Variants in CHODL observed in about 807,000 individuals in gnomAD.
CHODL encodes the protein transmembrane protein MT75.
Under a neutral mutation model 34.5 loss-of-function variants are expected in CHODL, and 29 were observed. The ratio of observed to expected loss-of-function variants is 0.84; its 90% CI spans 0.63 to 1.15. CHODL has a LOEUF of 1.15. Ranked by LOEUF, CHODL falls within the 50% of genes most tolerant of loss-of-function variation. The probability of loss-of-function intolerance (pLI) is 0.00; values close to 1 mark genes in which losing one functional copy is unlikely to be tolerated. For missense variants in CHODL, 332 were observed against 332.5 expected (o/e 1.00, Z 0.01); for synonymous variants, 125 against 116.1 (o/e 1.08, Z -0.49).
In CHODL at chr21:18,066,183, T is replaced by C. The variant is rs1376171200; in HGVS notation, c.-45+38212T>C. On this transcript the variant is annotated intron_variant, in intron 2 of 6. Transcript: ENST00000400127. Reference sequence around the variant, plus strand: ...ATATAAGGCTATATATTTTACTATATGTTATTGAAAGCTAGGAAATTATGT... The same window carrying C: ...ATATAAGGCTATATATTTTACTATACGTTATTGAAAGCTAGGAAATTATGT... Among the ~76,000 whole-genome samples the C allele has an allele frequency of 3.3e-5, 5 of 152,182 alleles. No homozygotes were observed. In the East Asian group the frequency reaches 7.7e-4, roughly 23 times the overall value.
chr21:17,951,202 A>G (rs1223657510), intron 1 of CHODL, among the ~76,000 whole-genome samples: 1 of 151,876 alleles, frequency 6.6e-6, no homozygotes, highest in Non-Finnish European at 1.5e-5. Context: ...GAATTTAAGC[A>G]CCAAAAGTCT....
intron 1 of CHODL, among the ~76,000 whole-genome samples, chr21:18,017,250 G>T (rs1435861158): frequency 2.6e-5 from 4 of 152,224 alleles, no homozygotes; most frequent in African/African-American, 9.6e-5. Flanking sequence ...CAAATCTCAT[G>T]TTGAATTATG....
rs145436195 is a variant in CHODL, at chr21:17,917,696, C to A, written c.-145+296C>A. ...AGTGCCTTCTATTGGCCAAACCCAA[C>A]AGAAGCCAGAGAAGAAAGGTGACCA... On this transcript the variant is annotated intron_variant, in intron 1 of 6. Transcript: ENST00000400127. Among the ~76,000 whole-genome samples the A allele has an allele frequency of 8.0e-3, 1,213 of 152,268 alleles. 19 individuals carry two copies. The highest frequency in any genetic ancestry group is 0.027 in the African/African-American group (1,118 of 41,538).
At chr21:18,247,236 T>G (rs1217176008) in intron 1 of CHODL, among the ~76,000 whole-genome samples, 1 of 152,108 alleles carries the variant, frequency 6.6e-6, no homozygotes, top group Non-Finnish European at 1.5e-5. Context: ...TGCATCAATT[T>G]TTCGTGCCAC....
intron 2 of CHODL, among the ~76,000 whole-genome samples, chr21:18,105,452 G>T (rs1342653691): frequency 1.3e-5 from 2 of 152,026 alleles, no homozygotes; most frequent in Non-Finnish European, 2.9e-5. Context: ...TCATATCTTT[G>T]TCTGCTTAAG....
intron 2 of CHODL, among the ~76,000 whole-genome samples, chr21:18,135,458 C>A (rs12626756): frequency 0.095 from 14,490 of 152,024 alleles, 890 homozygotes; most frequent in East Asian, 0.25. Flanking sequence ...GTAGCCTCAG[C>A]GTTCCATCCA....
chr21:18,015,686 G>A (rs1312555488), intron 1 of CHODL, among the ~76,000 whole-genome samples: 1 of 152,180 alleles, frequency 6.6e-6, no homozygotes, highest in Non-Finnish European at 1.5e-5. Flanking sequence ...AATGATGATA[G>A]TGATATGGAC....
Position 18,232,544 on chromosome 21 carries a change from A to G in CHODL, c.-44-23965A>G, listed in dbSNP as rs544055348. Among the ~76,000 whole-genome samples, 3 of 149,306 alleles carry G rather than the reference A, an allele frequency of 2.0e-5. No individual in the cohort carries two copies. In the South Asian group the frequency reaches 6.3e-4, roughly 31 times the overall value. On this transcript the variant is annotated intron_variant, in intron 2 of 6. Transcript: ENST00000400127. ...GAGAGGGGAGCTCCCTGACCTAATC[A>G]TCTTCCAAAGTCCCCACCTCTTAGG...
At chr21:18,042,478 T>C (rs977173039) in intron 2 of CHODL, among the ~76,000 whole-genome samples, 2 of 151,986 alleles carry the variant, frequency 1.3e-5, no homozygotes, top group African/African-American at 4.8e-5. Flanking sequence ...TATTCTAAAA[T>C]TCTCATTTTG....
chr21:18,248,797 TGTG>T (rs2074188518), intron 1 of CHODL, among the ~76,000 whole-genome samples: 2 of 121,198 alleles, frequency 1.7e-5, no homozygotes, highest in African/African-American at 6.8e-5. Flanking sequence ...TATGTATATG[TGTG>T]TATATATGTA....
chr21:18,070,130 T>C (rs565375633), intron 2 of CHODL, among the ~76,000 whole-genome samples: 1 of 150,834 alleles, frequency 6.6e-6, no homozygotes, highest in African/African-American at 2.4e-5. Context: ...AAATTGGGTA[T>C]ACTGCTCAGG....
chr21:18,036,821 AAT>A (rs1263864403), intron 2 of CHODL, among the ~76,000 whole-genome samples: 1 of 151,966 alleles, frequency 6.6e-6, no homozygotes, highest in Non-Finnish European at 1.5e-5. Context: ...TTAGAACTCT[AAT>A]ATTAGCCAGG....
At chr21:18,064,506 C>G (rs532021055) in intron 2 of CHODL, among the ~76,000 whole-genome samples, 1 of 152,302 alleles carries the variant, frequency 6.6e-6, no homozygotes, top group East Asian at 1.9e-4. Flanking sequence ...TTCCTGCTGT[C>G]TGATTGCTTT....
intron 2 of CHODL, among the ~76,000 whole-genome samples, chr21:18,183,279 T>G (rs529223653): frequency 1.2e-4 from 19 of 152,224 alleles, no homozygotes; most frequent in Non-Finnish European, 2.2e-4. Context: ...AACCAGGGCT[T>G]GGCTCAACCT....
chr21:18,003,136 C>CCA (rs2063926394), intron 1 of CHODL, among the ~76,000 whole-genome samples: 2 of 141,066 alleles, frequency 1.4e-5, no homozygotes, highest in Admixed American at 1.4e-4. Context: ...AAAAAAAAAA[C>CCA]AAAAAAAAAA....
chr21:18,236,221 G>A (rs960115043), intron 2 of CHODL, among the ~76,000 whole-genome samples: 1 of 152,044 alleles, frequency 6.6e-6, no homozygotes, highest in Admixed American at 6.6e-5. Context: ...CAAGTGAAGT[G>A]GGAAGCCCCT....
At chr21:17,924,752 G>A (rs558123089) in intron 1 of CHODL, among the ~76,000 whole-genome samples, 4 of 152,166 alleles carry the variant, frequency 2.6e-5, no homozygotes, top group Admixed American at 2.6e-4. Context: ...TTGCATTCAG[G>A]GTAGAAATTA....
intron 2 of CHODL, among the ~76,000 whole-genome samples, chr21:18,062,923 C>CT (rs1161486459): frequency 6.6e-6 from 1 of 151,910 alleles, no homozygotes; most frequent in Non-Finnish European, 1.5e-5. Flanking sequence ...AAAAATGAGC[C>CT]TTTTTTAAAA....
chr21:18,232,941 TGATATATATATA>T (rs2073994275), intron 2 of CHODL, among the ~76,000 whole-genome samples: 1 of 97,620 alleles, frequency 1.0e-5, no homozygotes, highest in African/African-American at 5.3e-5. Context: ...CATGATGTTA[TGATATATATATA>T]TATATATATA....
Sources: gnomAD v4.1 joint callset for allele counts (sites outside exome capture counted in the v4.1 genomes callset) on GRCh38, gnomAD v4.1.1 for gene constraint, MANE v1.5 for transcripts, NCBI Gene and HGNC (gene_info 2026-07-23, HGNC 2026-07-21) for gene names.